The following MYT1L variants were observed in gnomAD, a reference collection of about 807,000 sequenced individuals.
MYT1L encodes the protein myelin transcription factor 1-like protein.
A neutral mutation model predicts 126.7 loss-of-function variants in MYT1L; 12 were observed. The observed-to-expected ratio is 0.09, with a 90% CI of 0.06 to 0.15. MYT1L has a LOEUF of 0.15. MYT1L is among the 10% of genes least tolerant of loss of function. The probability of loss-of-function intolerance (pLI) is 1.00; values close to 1 mark genes in which losing one functional copy is unlikely to be tolerated. For missense variants in MYT1L, 979 were observed against 1,585.2 expected (o/e 0.62, Z 6.49); for synonymous variants, 541 against 604.2 (o/e 0.90, Z 1.53).
chr2:2,086,294 G>A (rs750973030), intron 3 of MYT1L, among the ~76,000 whole-genome samples: 8 of 152,156 alleles, frequency 5.3e-5, no homozygotes, highest in East Asian at 1.9e-4. Flanking sequence ...GTATGGGGCC[G>A]TTAAACCAAT....
intron 3 of MYT1L, among the ~76,000 whole-genome samples, chr2:2,111,056 T>C (rs1412008323): frequency 6.6e-6 from 1 of 152,154 alleles, no homozygotes; most frequent in Non-Finnish European, 1.5e-5. Context: ...CCAGGAGCTA[T>C]TCCCTTTGAG....
At chr2:2,085,217 T>A (rs536582897) in intron 3 of MYT1L, among the ~76,000 whole-genome samples, 1 of 152,282 alleles carries the variant, frequency 6.6e-6, no homozygotes, top group East Asian at 1.9e-4. Context: ...GGCTTTCTGA[T>A]TATTCTGCAC....
Position 2,082,870 on chromosome 2 carries a change from C to T in MYT1L, c.-303-28747G>A, listed in dbSNP as rs78373146. Among the ~76,000 whole-genome samples the T allele has an allele frequency of 4.3e-3, 659 of 152,292 alleles. 4 individuals are homozygous for T. Among genetic ancestry groups the T allele is most frequent in the African/African-American group, 0.015 (635 of 41,564 alleles). On this transcript the variant is annotated intron_variant, in intron 3 of 24. Coordinates refer to ENST00000647738, the MANE Select transcript of MYT1L (RefSeq NM_001303052.2). ...CCACCTCCCTAAGCAATCTCCTCAT[C>T]GCCCAAGACCTCATGCCTGACTAGA...
chr2:2,282,254 T>C (rs1242394661), intron 2 of MYT1L, among the ~76,000 whole-genome samples: 1 of 152,228 alleles, frequency 6.6e-6, no homozygotes, highest in East Asian at 1.9e-4. Context: ...AGGCACTTCA[T>C]ACATTGATTT....
chr2:2,250,144 C>T (rs1013448228), intron 2 of MYT1L, among the ~76,000 whole-genome samples: 6 of 152,038 alleles, frequency 3.9e-5, no homozygotes, highest in Non-Finnish European at 8.8e-5. Context: ...ATAGAGCTAC[C>T]ATAAAATTCA....
intron 3 of MYT1L, among the ~76,000 whole-genome samples, chr2:2,070,403 C>G (rs1376086400): frequency 1.3e-5 from 2 of 152,176 alleles, no homozygotes; most frequent in African/African-American, 4.8e-5. Flanking sequence ...TGGGGGAAGC[C>G]ACTCTTGCTT....
intron 2 of MYT1L, among the ~76,000 whole-genome samples, chr2:2,276,619 C>T (rs958373977): frequency 1.3e-5 from 2 of 152,162 alleles, no homozygotes; most frequent in Non-Finnish European, 2.9e-5. Flanking sequence ...CTGGTTGTCA[C>T]ATGCAACGAT....
At chr2:2,031,443 C>A (rs2066238303) in intron 4 of MYT1L, among the ~76,000 whole-genome samples, 2 of 147,946 alleles carry the variant, frequency 1.4e-5, no homozygotes, top group African/African-American at 4.9e-5. Flanking sequence ...AGAAGGAGGG[C>A]CTTATACACA....
At chr2:1,891,738 G>T (rs2048908193) in intron 15 of MYT1L, among the ~76,000 whole-genome samples, 1 of 152,208 alleles carries the variant, frequency 6.6e-6, no homozygotes. Flanking sequence ...GGCCCACGTG[G>T]TGTCCTTTGT....
chr2:1,853,823 TA>T (rs2043574909), intron 18 of MYT1L, among the ~76,000 whole-genome samples: 1 of 152,128 alleles, frequency 6.6e-6, no homozygotes, highest in Non-Finnish European at 1.5e-5. Context: ...TGCTCAAATT[TA>T]AAGTGAGATA....
At chr2:1,826,665 G>C (rs1044054283) in intron 21 of MYT1L, among the ~76,000 whole-genome samples, 3 of 152,194 alleles carry the variant, frequency 2.0e-5, no homozygotes, top group Non-Finnish European at 4.4e-5. Context: ...GCAGCACCGG[G>C]TACCGGGTCA....
chr2:2,161,387 T>G (rs2087893889), intron 3 of MYT1L, among the ~76,000 whole-genome samples: 1 of 152,230 alleles, frequency 6.6e-6, no homozygotes, highest in Non-Finnish European at 1.5e-5. Context: ...AAATTATTTC[T>G]AGCTAAAATT....
At chr2:1,851,150 A>G (rs2043212636) in intron 19 of MYT1L, among the ~76,000 whole-genome samples, 2 of 152,148 alleles carry the variant, frequency 1.3e-5, no homozygotes, top group African/African-American at 4.8e-5. Context: ...TTTAGACAGT[A>G]CCTTCTTTTT....
intron 3 of MYT1L, among the ~76,000 whole-genome samples, chr2:2,079,995 T>C (rs2075647996): frequency 6.6e-6 from 1 of 152,054 alleles, no homozygotes; most frequent in African/African-American, 2.4e-5. Context: ...TGAAATAGAA[T>C]GGGGAATCTA....
chr2:2,225,154 A>G (rs1377653498), intron 2 of MYT1L, among the ~76,000 whole-genome samples: 2 of 150,868 alleles, frequency 1.3e-5, no homozygotes, highest in Non-Finnish European at 2.9e-5. Flanking sequence ...GATCTGCCCC[A>G]GCTGTGAGTG....
chr2:1,823,442 C>A (rs1049667011), intron 21 of MYT1L, among the ~76,000 whole-genome samples: 9 of 152,194 alleles, frequency 5.9e-5, no homozygotes, highest in African/African-American at 2.2e-4. Flanking sequence ...GCTCCGGGGT[C>A]CTGGAGGAGG....
intron 3 of MYT1L, among the ~76,000 whole-genome samples, chr2:2,166,317 G>A (rs2089110547): frequency 6.6e-6 from 1 of 152,080 alleles, no homozygotes; most frequent in East Asian, 1.9e-4. Context: ...CTCCCTCCCA[G>A]CCTCCACCAC....
chr2:2,303,916 A>C (rs2095822910), intron 1 of MYT1L: 1 of 152,216 alleles, frequency 6.6e-6, no homozygotes, highest in Admixed American at 6.5e-5. Flanking sequence ...GTCACATCGA[A>C]GTGTCCTGAC....
intron 1 of MYT1L, among the ~76,000 whole-genome samples, chr2:2,297,069 T>A (rs557764514): frequency 5.2e-4 from 79 of 152,182 alleles, no homozygotes; most frequent in Non-Finnish European, 9.9e-4. Flanking sequence ...AGAGGACCCT[T>A]CAGGGCAAAC....
Sources: gnomAD v4.1 joint callset for allele counts (sites outside exome capture counted in the v4.1 genomes callset) on GRCh38, gnomAD v4.1.1 for gene constraint, MANE v1.5 for transcripts, NCBI Gene and HGNC (gene_info 2026-07-23, HGNC 2026-07-21) for gene names.